The following FBXO24 variants were observed in gnomAD, a reference collection of about 807,000 sequenced individuals.
The protein encoded by FBXO24 is F-box only protein 24.
FBXO24 carries 30 observed loss-of-function variants against 63.5 expected under a neutral mutation model. That is an observed-to-expected ratio of 0.47 (90% confidence interval 0.35 to 0.64). FBXO24 has a LOEUF of 0.64. Among genes scored for constraint, FBXO24 ranks in the 30% least tolerant of loss-of-function variants. FBXO24 has a pLI of 0.00. For missense variants in FBXO24, 624 were observed against 763.4 expected (o/e 0.82, Z 2.15); for synonymous variants, 300 against 305.0 (o/e 0.98, Z 0.17).
At chr7:100,590,798 C>T (rs1421149933) in intron 3 of FBXO24, among the ~76,000 whole-genome samples, 1 of 152,166 alleles carries the variant, frequency 6.6e-6, no homozygotes, top group African/African-American at 2.4e-5. Context: ...TTAATTGTGA[C>T]AACCAATGCC....
At chr7:100,591,572 A>C in intron 3 of FBXO24, 95 bp from the exon 4 acceptor site, 1 of 1,159,062 alleles carries the variant, frequency 8.6e-7, no homozygotes, top group Non-Finnish European at 1.3e-6. Context: ...GGGAGGAACT[A>C]CAAACCAGCG....
chr7:100,593,058 A>G (rs368589376), intron 5 of FBXO24, 41 bp downstream of exon 5: 54 of 1,556,748 alleles, frequency 3.5e-5, no homozygotes, highest in Non-Finnish European at 4.5e-5. Context: ...TGTTTCCTGC[A>G]GATTCCTCAG....
chr7:100,597,235 C>A (rs1283251902), intron 8 of FBXO24, among the ~76,000 whole-genome samples: 1 of 151,992 alleles, frequency 6.6e-6, no homozygotes, highest in Non-Finnish European at 1.5e-5. Flanking sequence ...TCCCAGAAGC[C>A]ACATGAGAAG....
At chr7:100,595,245 G>A (rs750951302) in intron 7 of FBXO24, 22 bp downstream of exon 7, 2 of 1,614,074 alleles carry the variant, frequency 1.2e-6, no homozygotes, top group Non-Finnish European at 1.7e-6. Context: ...GAGGGACGGG[G>A]CAAACCAGAG....
intron 3 of FBXO24, 41 bp downstream of exon 3, chr7:100,590,398 C>G: frequency 6.4e-7 from 1 of 1,563,922 alleles, no homozygotes; most frequent in Non-Finnish European, 8.7e-7. Flanking sequence ...TTGCCTCTGT[C>G]CCGCCTTAGC....
chr7:100,591,113 A>C (rs1430551769), intron 3 of FBXO24, among the ~76,000 whole-genome samples: 1 of 144,994 alleles, frequency 6.9e-6, no homozygotes, highest in Non-Finnish European at 1.5e-5. Context: ...TCTTGGCTCA[A>C]TGCAACCTCC....
chr7:100,594,602 C>T lies in FBXO24; in HGVS notation c.952+61C>T, dbSNP rs1168529586. 8.4e-6 allele frequency: 12 copies of T among 1,427,676 alleles called. No homozygotes were observed. Among genetic ancestry groups the T allele is most frequent in the Non-Finnish European group, 1.1e-5 (12 of 1,086,040 alleles). The allele number at this position is 1,427,676 out of a possible 1,614,324, so 88.4% of individuals were successfully genotyped here. A position where few individuals can be genotyped will look rare whatever the true frequency, so the allele number is the denominator to read the frequency against. On this transcript the variant is annotated intron_variant, in intron 6 of 9. Transcript: ENST00000241071. This position sits in a 1 kb window ranked among gnomAD's most constrained non-coding sequence, Gnocchi z 4.2. ...CTTGGTTAGACCCTCTAAACATCAA[C>T]ACCCTTCACCCTTACTCCAGCTGCA...
chr7:100,590,501 A>G (rs913873515), intron 3 of FBXO24, 144 bp downstream of exon 3: 3 of 840,078 alleles, frequency 3.6e-6, no homozygotes, highest in Non-Finnish European at 5.4e-6. Flanking sequence ...CAGTTCAAAC[A>G]TTCTCCCTTG....
rs901535351 is a variant in FBXO24, at chr7:100,592,816, C to T, written c.592C>T (p.Arg198Cys). The T allele has an allele frequency of 6.8e-6, 11 of 1,614,106 alleles. No homozygotes were observed. In the East Asian group the frequency reaches 8.9e-5, roughly 13 times the overall value. ...ASDPRCDTVY[R>C]KYLYVLATRE... ...GGACCCAAGGTGTGACACAGTTTAC[C>T]GTAAATACCTCTACGTCTTGGCCAC... Residue 198 changes from arginine (R) to cysteine (C), a missense_variant, in exon 5 of 10, where the codon CGT (arginine) becomes TGT (cysteine). Arg to Cys is a radical substitution (Grantham distance 180). Transcript: ENST00000241071.
chr7:100,590,036 A>G lies in FBXO24; in HGVS notation c.99A>G (p.Lys33=). Residue 33 remains lysine, a synonymous_variant, in exon 2 of 10, where the codon AAA becomes AAG. Coordinates refer to ENST00000241071, the MANE Select transcript of FBXO24 (RefSeq NM_033506.3). ...TTGGGGTTGAAGAGAAGAGGGGGAA[A>G]GGAAATCCGATTTCCATCCAGTTGT... ...SELGVEEKRG[K]GNPISIQLFP... The G allele has an allele frequency of 1.2e-6, 2 of 1,613,564 alleles. No individual in the cohort carries two copies. Among genetic ancestry groups the G allele is most frequent in the Non-Finnish European group, 1.7e-6 (2 of 1,179,850 alleles).
In FBXO24 at chr7:100,594,541, G is replaced by A; in HGVS notation, c.952G>A (p.Asp318Asn). Residue 318 changes from aspartate to asparagine, a missense_variant and splice_region_variant, in exon 6 of 10, where the codon GAC becomes AAC. Around this residue, in one of 3 missense-constraint regions of FBXO24, gnomAD observed 391 missense variants for 469.1 expected, o/e 0.83. Coordinates refer to ENST00000241071, the MANE Select transcript of FBXO24 (RefSeq NM_033506.3). The surrounding 1 kb of genome is among the most constrained non-coding windows in gnomAD (Gnocchi z 4.2). ...SNQSSTLYVTDQGGVYFEVHT... is the reference protein window; with the variant it reads ...SNQSSTLYVTNQGGVYFEVHT... ...CCAGAGCAGCACCCTCTACGTCACA[G>A]GTATGGACCACCTCCCCCCGGCTCA... 7 of 1,583,666 alleles carry A rather than the reference G, an allele frequency of 4.4e-6. No homozygotes were observed. Among genetic ancestry groups the A allele is most frequent in the Non-Finnish European group, 6.0e-6 (7 of 1,161,790 alleles).
At chr7:100,597,898 T>TG (rs1156280013) in intron 8 of FBXO24, among the ~76,000 whole-genome samples, 2 of 151,136 alleles carry the variant, frequency 1.3e-5, no homozygotes, top group Non-Finnish European at 3.0e-5. Flanking sequence ...TTTTTGTTTT[T>TG]TTTTTTTTTA....
rs749598006 is a variant in FBXO24, at chr7:100,600,693, G to A, written c.1537G>A (p.Gly513Arg). ...SLGARAPQDP[G>R]GMAQACEEYL... ...GGGGGCCAGAGCACCCCAGGACCCC[G>A]GGGGGATGGCCCAGGCCTGCGAGGA... is the stretch of plus-strand genomic sequence containing the variant. The change falls in exon 10 of 10, where the codon GGG becomes AGG. Residue 513 changes from glycine to arginine, a missense_variant. By Grantham distance (125) the Gly-to-Arg change is moderately radical. Coordinates refer to ENST00000241071, the MANE Select transcript of FBXO24 (RefSeq NM_033506.3). The surrounding 1 kb of genome is among the most constrained non-coding windows in gnomAD (Gnocchi z 6.3). 65 of 1,614,104 alleles carry A rather than the reference G, an allele frequency of 4.0e-5. No homozygotes were observed. The highest frequency in any genetic ancestry group is 2.0e-4 in the East Asian group (9 of 44,878).
intron 1 of FBXO24, 100 bp from the exon 2 acceptor site, chr7:100,589,877 C>G: frequency 6.4e-7 from 1 of 1,550,406 alleles, no homozygotes; most frequent in Non-Finnish European, 8.7e-7. Flanking sequence ...GAGGAAATAA[C>G]TGTGCCCAGC....
rs759390018 is a variant in FBXO24, at chr7:100,586,654, G to A, written c.29G>A (p.Arg10Lys). 1.2e-6 allele frequency: 2 copies of A among 1,614,238 alleles called. No individual in the cohort carries two copies. Among genetic ancestry groups the A allele is most frequent in the Admixed American group, 3.3e-5 (2 of 60,032 alleles). Reference protein sequence around the residue: MGEKAVPLLRRRRVKRSCPS... With the variant: MGEKAVPLLKRRRVKRSCPS... ...GGCGAGAAGGCGGTCCCTTTGCTAA[G>A]GAGGAGGCGGGTGAGCTAGAACTTT... is the stretch of plus-strand genomic sequence containing the variant. The change falls in exon 1 of 10, where the codon AGG (arginine) becomes AAG (lysine). Residue 10 changes from arginine to lysine, a missense_variant. By Grantham distance (26) the Arg-to-Lys change is conservative (BLOSUM62 2). This residue lies in a region of FBXO24 where 391 missense variants were observed against 469.1 expected (regional missense o/e 0.83). Coordinates refer to ENST00000241071, the MANE Select transcript of FBXO24 (RefSeq NM_033506.3).
chr7:100,593,402 G>A (rs1447835504), intron 5 of FBXO24, among the ~76,000 whole-genome samples: 4 of 151,988 alleles, frequency 2.6e-5, no homozygotes, highest in Non-Finnish European at 5.9e-5. Flanking sequence ...AGGCCAAGGC[G>A]GGTGGATCAC....
chr7:100,586,978 G>T (rs1299842217), intron 1 of FBXO24, among the ~76,000 whole-genome samples: 1 of 152,200 alleles, frequency 6.6e-6, no homozygotes, highest in Non-Finnish European at 1.5e-5. Flanking sequence ...TAGGTGCAGC[G>T]TTGCACGGTC....
chr7:100,600,250 G>A lies in FBXO24; in HGVS notation c.1377+49G>A. 6.8e-7 allele frequency: 1 copy of A among 1,468,172 alleles called. No individual in the cohort carries two copies. The highest frequency in any genetic ancestry group is 2.0e-4 in the Middle Eastern group (1 of 5,006). 90.9% of individuals were successfully genotyped at this position (1,468,172 alleles called of 1,614,324 possible). ...GGCACCCAGGGAGGATGAGAGCCATGAACCAGGAAGCCCACAGGCTGTAGC... is the reference window on the plus strand; with the variant it reads ...GGCACCCAGGGAGGATGAGAGCCATAAACCAGGAAGCCCACAGGCTGTAGC... On this transcript the variant is annotated intron_variant, in intron 9 of 9. Coordinates refer to ENST00000241071, the MANE Select transcript of FBXO24 (RefSeq NM_033506.3). The surrounding 1 kb of genome is among the most constrained non-coding windows in gnomAD (Gnocchi z 6.3).
Position 100,586,466 on chromosome 7 carries a change from C to T in FBXO24, c.-160C>T. 1 of 748,886 alleles carries T rather than the reference C, an allele frequency of 1.3e-6. No homozygotes were observed. Among genetic ancestry groups the T allele is most frequent in the Admixed American group, 2.3e-5 (1 of 43,320 alleles). The allele number at this position is 748,886 out of a possible 1,614,324, so 46.4% of individuals were successfully genotyped here. A position where few individuals can be genotyped will look rare whatever the true frequency, so the allele number is the denominator to read the frequency against. ...CACCGGCACTCCACTAGCAGGAAAA[C>T]GGGCCGAGGGACCGCAAGCAGGGGG... On this transcript the variant is annotated 5_prime_UTR_variant, in exon 1 of 10. It adds an upstream start codon to the 5' untranslated region. Transcript: ENST00000241071.
Sources: allele counts gnomAD v4.1 joint callset (sites outside exome capture counted in the v4.1 genomes callset), GRCh38; gene constraint gnomAD v4.1.1; regional missense constraint gnomAD v4.1.1; non-coding constraint Gnocchi (gnomAD v3.1); transcripts MANE v1.5; gene names NCBI Gene and HGNC (gene_info 2026-07-23, HGNC 2026-07-21).